VDR: variants seen among roughly 807,000 people sequenced by gnomAD.
VDR encodes vitamin D receptor.
A neutral mutation model predicts 39.7 loss-of-function variants in VDR; 19 were observed. The observed-to-expected ratio is 0.48, with a 90% CI of 0.33 to 0.70. The LOEUF (loss-of-function observed/expected upper bound fraction) is 0.70, where lower values mean the gene tolerates loss of function less well. Among genes scored for constraint, VDR ranks in the 30% least tolerant of loss-of-function variants. The probability of loss-of-function intolerance (pLI) is 0.02; values close to 1 mark genes in which losing one functional copy is unlikely to be tolerated. For synonymous variants in VDR, 242 were observed against 215.8 expected (o/e 1.12, Z -1.07); for missense variants, 442 against 570.5 (o/e 0.77, Z 2.29).
In VDR at chr12:47,843,247, G is replaced by A. The variant is rs1945206049; in HGVS notation, c.*1499C>T. 1 of 152,272 alleles carries A rather than the reference G, an allele frequency of 6.6e-6. No homozygotes were observed. The allele number at this position is 152,272 out of a possible 1,614,324, so 9.4% of individuals were successfully genotyped here. A position where few individuals can be genotyped will look rare whatever the true frequency, so the allele number is the denominator to read the frequency against. ...GCAGTGTGAAGTCTGATTCCTCTCTGGGTTTTCAGGGAACTACGGATGCAG... is the reference window on the plus strand; with the variant it reads ...GCAGTGTGAAGTCTGATTCCTCTCTAGGTTTTCAGGGAACTACGGATGCAG... On this transcript the variant is annotated 3_prime_UTR_variant, in exon 10 of 10. Transcript: ENST00000549336.
rs543332604 is a variant in VDR at position 47,857,807 on chromosome 12, G to A, written c.278-119C>T. On this transcript the variant is annotated intron_variant, in intron 4 of 9. Coordinates refer to ENST00000549336, the MANE Select transcript of VDR (RefSeq NM_000376.3). ...GGGCTTTAACACTCGGGGCTCCCTC[G>A]GGGGTCCTCCTGCCACGGAGACTCC... 62 of 1,142,620 alleles carry A rather than the reference G, an allele frequency of 5.4e-5. No individual in the cohort carries two copies. In the African/African-American group the frequency reaches 6.5e-4, roughly 12 times the overall value. 70.8% of individuals were successfully genotyped at this position (1,142,620 alleles called of 1,614,324 possible). A position where few individuals can be genotyped will look rare whatever the true frequency, so the allele number is the denominator to read the frequency against.
rs369091846 is a variant in VDR, at chr12:47,865,105, T to C, written c.219A>G (p.Arg73=). ...TGAGCCGGCAGGCCTGGCAGTGGCG[T>C]CGGTTGTCCTTGGTGATGCGGCAGT... ...NGDCRITKDN[R]RHCQACRLKR... The change falls in exon 4 of 10, where the codon CGA becomes CGG. Residue 73 remains arginine (R), a synonymous_variant. Coordinates refer to ENST00000549336, the MANE Select transcript of VDR (RefSeq NM_000376.3). The C allele has an allele frequency of 2.1e-5, 34 of 1,613,978 alleles. No individual in the cohort carries two copies. In the East Asian group the frequency reaches 2.5e-4, roughly 12 times the overall value.
chr12:47,898,292 T>C (rs148012326), intron 1 of VDR: 118 of 152,362 alleles, frequency 7.7e-4, no homozygotes, highest in African/African-American at 2.7e-3. Flanking sequence ...ACAACTATTA[T>C]AGCTAATCAT....
rs1592093349 is a variant in VDR, at chr12:47,844,654, T to G, written c.*92A>C. On this transcript the variant is annotated 3_prime_UTR_variant, in exon 10 of 10. Transcript: ENST00000549336. Reference sequence around the variant, plus strand: ...AGGAGGGGCTGAACCCCAGACGGGGTGAGGAGGGCTGCTGAGTAGCCGCCA... The same window carrying G: ...AGGAGGGGCTGAACCCCAGACGGGGGGAGGAGGGCTGCTGAGTAGCCGCCA... The G allele has an allele frequency of 1.3e-6, 2 of 1,569,168 alleles. No homozygotes were observed. The highest frequency in any genetic ancestry group is 8.7e-7 in the Non-Finnish European group (1 of 1,151,668).
At chr12:47,878,875 G>A in intron 3 of VDR, 93 bp downstream of exon 3, 1 of 1,595,894 alleles carries the variant, frequency 6.3e-7, no homozygotes. Context: ...TTGTAAGGAA[G>A]GAGATGTGAA....
Position 47,865,103 on chromosome 12 carries a change from C to T in VDR, c.221G>A (p.Arg74His), listed in dbSNP as rs1000899385. The change falls in exon 4 of 10, where the codon CGC becomes CAC. Residue 74 changes from arginine (R) to histidine (H), a missense_variant. By Grantham distance (29) the Arg-to-His change is conservative. Coordinates refer to ENST00000549336, the MANE Select transcript of VDR (RefSeq NM_000376.3). Reference sequence around the variant, plus strand: ...TTTGAGCCGGCAGGCCTGGCAGTGGCGTCGGTTGTCCTTGGTGATGCGGCA... The same window carrying T: ...TTTGAGCCGGCAGGCCTGGCAGTGGTGTCGGTTGTCCTTGGTGATGCGGCA... ...GDCRITKDNR[R>H]HCQACRLKRC... is the part of the protein sequence containing the mutation. The T allele has an allele frequency of 8.7e-6, 14 of 1,613,846 alleles. No homozygotes were observed. Among genetic ancestry groups the T allele is most frequent in the Non-Finnish European group, 1.1e-5 (13 of 1,179,854 alleles).
intron 1 of VDR, chr12:47,896,907 A>C (rs922893890): frequency 6.6e-6 from 1 of 152,174 alleles, no homozygotes; most frequent in African/African-American, 2.4e-5. Flanking sequence ...GTTTTCCAGC[A>C]TCTCCCTGGC....
In VDR at chr12:47,879,053, G is replaced by T. The variant is rs371855706; in HGVS notation, c.61C>A (p.Pro21Thr). The change falls in exon 3 of 10, where the codon CCC (proline) becomes ACC (threonine). Residue 21 changes from proline to threonine, a missense_variant. Physicochemically the swap from Pro to Thr is conservative, Grantham distance 38 (BLOSUM62 -1). This residue lies in a region of VDR where 141 missense variants were observed against 141.3 expected (regional missense o/e 1.00). Coordinates refer to ENST00000549336, the MANE Select transcript of VDR (RefSeq NM_000376.3). ...PDPGDFDRNV[P>T]RICGVCGDRA... ...TCTCCACACACCCCACAGATCCGGGGCACGTTCCGGTCAAAGTCTCCAGGG... is the reference window on the plus strand; with the variant it reads ...TCTCCACACACCCCACAGATCCGGGTCACGTTCCGGTCAAAGTCTCCAGGG... The T allele has an allele frequency of 1.9e-6, 3 of 1,614,180 alleles. No individual in the cohort carries two copies. Among genetic ancestry groups the T allele is most frequent in the Non-Finnish European group, 2.5e-6 (3 of 1,180,022 alleles).
intron 3 of VDR, among the ~76,000 whole-genome samples, chr12:47,865,621 C>T (rs1592118056): frequency 1.3e-5 from 2 of 151,926 alleles, no homozygotes; most frequent in East Asian, 3.9e-4. Context: ...CTATGTTGCC[C>T]AGGCTAGTCT....
chr12:47,901,992 G>A (rs1368593031), intron 1 of VDR, among the ~76,000 whole-genome samples: 1 of 152,228 alleles, frequency 6.6e-6, no homozygotes, highest in Admixed American at 6.5e-5. Flanking sequence ...GAGCAGGCTA[G>A]GGTGTCGGGG....
chr12:47,894,543 G>T (rs1199898985), intron 1 of VDR, among the ~76,000 whole-genome samples: 1 of 152,206 alleles, frequency 6.6e-6, no homozygotes, highest in African/African-American at 2.4e-5. Flanking sequence ...CCCTGGGTGA[G>T]ATGCCTCCTG....
chr12:47,889,571 C>A (rs1042750376), intron 1 of VDR, among the ~76,000 whole-genome samples: 3 of 152,198 alleles, frequency 2.0e-5, no homozygotes, highest in Non-Finnish European at 4.4e-5. Context: ...TACGCCTGGC[C>A]TGAGCTTTCT....
At chr12:47,868,328 CA>C (rs1945778787) in intron 3 of VDR, among the ~76,000 whole-genome samples, 2 of 152,336 alleles carry the variant, frequency 1.3e-5, no homozygotes, top group South Asian at 4.1e-4. Context: ...GGGCCTACTG[CA>C]GAGCCAGGGT....
chr12:47,891,129 G>A (rs1463765227), intron 1 of VDR, among the ~76,000 whole-genome samples: 1 of 152,180 alleles, frequency 6.6e-6, no homozygotes, highest in Non-Finnish European at 1.5e-5. Context: ...AGATATTTGG[G>A]ATCCTTGGGA....
At chr12:47,856,944 C>T (rs957646062) in intron 6 of VDR, among the ~76,000 whole-genome samples, 185 bp downstream of exon 6, 11 of 152,212 alleles carry the variant, frequency 7.2e-5, no homozygotes, top group African/African-American at 2.7e-4. Context: ...CAGTGTGGGC[C>T]CTTGGGTAAG....
In VDR at chr12:47,855,131, C is replaced by T. The variant is rs546604122; in HGVS notation, c.755+499G>A. Among the ~76,000 whole-genome samples, 88 of 152,248 alleles carry T rather than the reference C, an allele frequency of 5.8e-4. 1 individual carries two copies. The Middle Eastern group carries it at 0.01, about 18-fold the overall frequency. On this transcript the variant is annotated intron_variant, in intron 7 of 9. Coordinates refer to ENST00000549336, the MANE Select transcript of VDR (RefSeq NM_000376.3). ...GATCACGAGGTCAGGTGATCGAGAG[C>T]AGCCTGGCCAACGTGGTGAAACCCC...
chr12:47,846,329 C>T lies in VDR; in HGVS notation c.1024+6G>A. Reference sequence around the variant, plus strand: ...TCCCTGAGCTCCTCCCTGCCTGGCCCCATACCTGGGGAGACGATGCAGATG... The same window carrying T: ...TCCCTGAGCTCCTCCCTGCCTGGCCTCATACCTGGGGAGACGATGCAGATG... On this transcript the variant is annotated splice_donor_region_variant and intron_variant, in intron 9 of 9. Transcript: ENST00000549336. 6.2e-7 allele frequency: 1 copy of T among 1,607,380 alleles called. No homozygotes were observed. Among genetic ancestry groups the T allele is most frequent in the East Asian group, 2.2e-5 (1 of 44,658 alleles).
chr12:47,865,344 G>C (rs957537237), intron 3 of VDR, among the ~76,000 whole-genome samples, 167 bp from the exon 4 acceptor site: 2 of 152,054 alleles, frequency 1.3e-5, no homozygotes, highest in African/African-American at 4.8e-5. Context: ...GGCACCAAAC[G>C]ATTCCTACTT....
intron 3 of VDR, among the ~76,000 whole-genome samples, chr12:47,869,647 C>T (rs939768697): frequency 6.6e-6 from 1 of 151,844 alleles, no homozygotes; most frequent in Non-Finnish European, 1.5e-5. Flanking sequence ...GTAAGCCCAG[C>T]ACTTTGGGAG....
Sources: gnomAD v4.1 joint callset for allele counts (sites outside exome capture counted in the v4.1 genomes callset) on GRCh38, gnomAD v4.1.1 for gene constraint, gnomAD v4.1.1 regional missense constraint, MANE v1.5 for transcripts, NCBI Gene and HGNC (gene_info 2026-07-23, HGNC 2026-07-21) for gene names.